Variants in ZFYVE26 observed in about 807,000 individuals in gnomAD.
ZFYVE26 encodes the protein zinc finger FYVE domain-containing protein 26.
Under a neutral mutation model 276.5 loss-of-function variants are expected in ZFYVE26, and 181 were observed. The observed-to-expected ratio is 0.65, with a 90% CI of 0.58 to 0.74. The LOEUF (loss-of-function observed/expected upper bound fraction) is 0.74, where lower values mean the gene tolerates loss of function less well. Ranked by LOEUF, ZFYVE26 falls within the 30% of genes least tolerant of loss-of-function variation. The pLI is 0.00. For synonymous variants in ZFYVE26, 1,129 were observed against 1,203.1 expected, an observed-to-expected ratio of 0.94 and a Z score of 1.27; for missense variants, 2,821 against 3,097.9, an observed-to-expected ratio of 0.91 and a Z score of 2.12.
At chr14:67,799,612 G>C in intron 10 of ZFYVE26, 2 of 1,463,492 alleles carry the variant, frequency 1.4e-6, no homozygotes, top group Non-Finnish European at 1.9e-6. Context: ...AGAAATAATA[G>C]AATTTTTCTC....
chr14:67,750,337 T>TCGGTGG, intron 41 of ZFYVE26: 2 of 154,580 alleles, frequency 1.3e-5, no homozygotes, highest in South Asian at 4.0e-4. Flanking sequence ...TAAGAAGCTC[T>TCGGTGG]TTGCCTGACG....
At position 67,810,862 on chromosome 14, in the gene ZFYVE26, G is replaced by T. The variant is rs184834563; in HGVS notation, c.274-1573C>A. 3.3e-5 allele frequency among the ~76,000 whole-genome samples: 5 copies of T among 152,080 alleles called. No homozygotes were observed. The East Asian group carries it at 9.7e-4, about 29-fold the overall frequency. The stretch of plus-strand genomic sequence containing the variant: ...GAAGGCAAGGAACACCTGCAGGGAT[G>T]TGTGTGTGTGAGAGTGTGTGTGTGT... On this transcript the variant is annotated intron_variant, in intron 3 of 41. Transcript: ENST00000347230.
At chr14:67,730,770 G>A (rs1325431078) in intron 13 of ZFYVE26, among the ~76,000 whole-genome samples, 1 of 151,966 alleles carries the variant, frequency 6.6e-6, no homozygotes, top group African/African-American at 2.4e-5. Flanking sequence ...CACCTGACTA[G>A]TTTTTGTATT....
At position 67,754,068 on chromosome 14, in the gene ZFYVE26, T is replaced by C; in HGVS notation, c.7128+3A>G. 1 of 1,614,264 alleles carries C rather than the reference T, an allele frequency of 6.2e-7. No homozygotes were observed. Among genetic ancestry groups the C allele is most frequent in the Non-Finnish European group, 8.5e-7 (1 of 1,180,044 alleles). ...TGCCAGAGGTCTGAAACGCTGCATG[T>C]ACCTTGCAGGCAACATCCATTTTCA... On this transcript the variant is annotated splice_donor_region_variant and intron_variant, in intron 38 of 41. Coordinates refer to ENST00000347230, the MANE Select transcript of ZFYVE26 (RefSeq NM_015346.4).
At chr14:67,750,709 A>T (rs1002485003) in intron 41 of ZFYVE26, 15 of 385,952 alleles carry the variant, frequency 3.9e-5, no homozygotes, top group Non-Finnish European at 6.4e-5. Context: ...GGGAACCTCA[A>T]TCCATCAGTC....
intron 13 of ZFYVE26, among the ~76,000 whole-genome samples, chr14:67,740,769 G>T (rs576958508): frequency 6.6e-6 from 1 of 152,066 alleles, no homozygotes; most frequent in Non-Finnish European, 1.5e-5. Context: ...TTAGCCGGGC[G>T]CAGTGGCAGG....
chr14:67,792,053 C>T (rs1301677018), intron 14 of ZFYVE26, among the ~76,000 whole-genome samples: 7 of 136,452 alleles, frequency 5.1e-5, no homozygotes, highest in African/African-American at 1.9e-4. Context: ...AAGTGAGACT[C>T]TGCTTCAAAA....
chr14:67,788,348 AC>A (rs1566886657), intron 16 of ZFYVE26, among the ~76,000 whole-genome samples: 2 of 152,204 alleles, frequency 1.3e-5, no homozygotes, highest in Non-Finnish European at 2.9e-5. Flanking sequence ...GTGAGCCGAG[AC>A]TGTGCCACTG....
exon 14 of ZFYVE26, chr14:67,729,247 C>G (rs751589863): frequency 6.2e-7 from 1 of 1,610,042 alleles, no homozygotes; most frequent in South Asian, 1.1e-5. Context: ...TGAGCTGGTC[C>G]GGCACTCCTC....
At chr14:67,738,397 T>C (rs903758710) in intron 13 of ZFYVE26, among the ~76,000 whole-genome samples, 4 of 148,490 alleles carry the variant, frequency 2.7e-5, no homozygotes, top group African/African-American at 7.3e-5. Context: ...TATATACTTA[T>C]AGAAATATAC....
intron 35 of ZFYVE26, chr14:67,761,148 T>A (rs1056341069): frequency 7.4e-6 from 5 of 673,096 alleles, no homozygotes; most frequent in African/African-American, 1.8e-5. Context: ...ATGCCTTTGC[T>A]GGTGAGGGCA....
At chr14:67,775,791 T>C (rs1566877342) in intron 26 of ZFYVE26, 69 bp downstream of exon 26, 1 of 1,611,502 alleles carries the variant, frequency 6.2e-7, no homozygotes, top group Non-Finnish European at 8.5e-7. Context: ...GGGAGCAAAT[T>C]AAAACTAAGA....
chr14:67,790,566 C>A lies in ZFYVE26; in HGVS notation c.2755+6G>T, dbSNP rs777102497. The A allele has an allele frequency of 2.5e-6, 4 of 1,612,966 alleles. No homozygotes were observed. Among genetic ancestry groups the A allele is most frequent in the South Asian group, 2.2e-5 (2 of 91,030 alleles). On this transcript the variant is annotated splice_donor_region_variant and intron_variant, in intron 15 of 41. Coordinates refer to ENST00000347230, the MANE Select transcript of ZFYVE26 (RefSeq NM_015346.4). ...ACCACTTATGGTGTTAGCAGGGAAG[C>A]CTGACCTGCTGCTGCAGCGCTGCCA...
downstream of ZFYVE26, among the ~76,000 whole-genome samples, chr14:67,743,263 C>T (rs1342529204): frequency 6.6e-6 from 1 of 151,950 alleles, no homozygotes; most frequent in African/African-American, 2.4e-5. Flanking sequence ...CAAGATGGGC[C>T]GATTGCTTGA....
At position 67,754,439 on chromosome 14, in the gene ZFYVE26, G is replaced by T. The variant is rs527907302; in HGVS notation, c.6987-227C>A. Among the ~76,000 whole-genome samples the T allele has an allele frequency of 2.0e-5, 3 of 152,306 alleles. No homozygotes were observed. The South Asian group carries it at 6.2e-4, about 32-fold the overall frequency. Reference sequence around the variant, plus strand: ...TATGGTGCACTGTGGAACCAGATAGGGTCCAGTCATTGAATCGATAAGCAT... The same window carrying T: ...TATGGTGCACTGTGGAACCAGATAGTGTCCAGTCATTGAATCGATAAGCAT... On this transcript the variant is annotated intron_variant, in intron 37 of 41. Coordinates refer to ENST00000347230, the MANE Select transcript of ZFYVE26 (RefSeq NM_015346.4).
At chr14:67,732,976 T>TG (rs1208900169) in intron 13 of ZFYVE26, among the ~76,000 whole-genome samples, 1 of 151,838 alleles carries the variant, frequency 6.6e-6, no homozygotes, top group Non-Finnish European at 1.5e-5. Flanking sequence ...ACAAAAAACA[T>TG]GGGGGGAGCG....
chr14:67,764,816 C>A (rs977529336), intron 32 of ZFYVE26, among the ~76,000 whole-genome samples: 1 of 152,186 alleles, frequency 6.6e-6, no homozygotes, highest in Non-Finnish European at 1.5e-5. Context: ...AAAGTGAGGA[C>A]TTCCTTACTT....
chr14:67,783,506 G>A lies in ZFYVE26; in HGVS notation c.3646C>T (p.Gln1216Ter), dbSNP rs991255249. Residue 1216 changes from glutamine (Q) to a stop codon, truncating the protein, a stop_gained, in exon 21 of 42, where the codon CAA becomes TAA. Coordinates refer to ENST00000347230, the MANE Select transcript of ZFYVE26 (RefSeq NM_015346.4). LOFTEE classifies it high-confidence loss of function. ...GGCACACTTAGGCTGAGATTCTCTT[G>A]GGCCAGAAGGGCTGCCAGTCTGGAA... Reference protein sequence around the residue: ...PPERLAALLAQENLSLSVPQV... With the variant: ...PPERLAALLA 6.2e-7 allele frequency: 1 copy of A among 1,613,210 alleles called. No individual in the cohort carries two copies. Among genetic ancestry groups the A allele is most frequent in the South Asian group, 1.1e-5 (1 of 91,084 alleles).
intron 13 of ZFYVE26, chr14:67,729,882 A>T (rs904887160): frequency 2.0e-5 from 9 of 449,766 alleles, no homozygotes; most frequent in African/African-American, 1.6e-4. Context: ...ATGAGCAACT[A>T]GAGTCTGGGA....
Sources: allele counts gnomAD v4.1 joint callset (sites outside exome capture counted in the v4.1 genomes callset), GRCh38; gene constraint gnomAD v4.1.1; transcripts MANE v1.5; gene names NCBI Gene and HGNC (gene_info 2026-07-23, HGNC 2026-07-21).